PARM1: variants seen among roughly 807,000 people sequenced by gnomAD.
PARM1 encodes prostate androgen-regulated mucin-like protein 1, also known as WSC4, cell wall integrity and stress response component 4 homolog.
Under a neutral mutation model 24.6 loss-of-function variants are expected in PARM1, and 14 were observed. The observed-to-expected ratio is 0.57, with a 90% confidence interval of 0.38 to 0.89. The LOEUF is 0.89. PARM1 is among the 40% of genes least tolerant of loss of function. The pLI is 0.00. For synonymous variants in PARM1, 179 were observed against 156.6 expected (o/e 1.14, Z -1.07); for missense variants, 362 against 380.4 (o/e 0.95, Z 0.40).
At chr4:74,968,350 A>G (rs954399027) in intron 1 of PARM1, among the ~76,000 whole-genome samples, 4 of 152,224 alleles carry the variant, frequency 2.6e-5, no homozygotes, top group Admixed American at 6.5e-5. Context: ...TTAGGTCTAG[A>G]TAATTAAATC....
At chr4:74,946,621 T>G (rs1192974095) in intron 1 of PARM1, among the ~76,000 whole-genome samples, 1 of 152,198 alleles carries the variant, frequency 6.6e-6, no homozygotes, top group African/African-American at 2.4e-5. Flanking sequence ...AATATCTTGT[T>G]AGACCAGGTA....
In PARM1 at chr4:75,049,529, C is replaced by T. The variant is rs771148382; in HGVS notation, c.*3282C>T. ...TGCAGCTGAATCACTGCAGGGTTGA[C>T]CATGCCTGGTGCCACAGCCATGGTT... On this transcript the variant is annotated 3_prime_UTR_variant, in exon 4 of 4. Transcript: ENST00000307428. 2.0e-5 allele frequency: 3 copies of T among 152,360 alleles called. No individual in the cohort carries two copies. Among genetic ancestry groups the T allele is most frequent in the Non-Finnish European group, 4.4e-5 (3 of 68,046 alleles). 9.4% of individuals were successfully genotyped at this position (152,360 alleles called of 1,614,324 possible).
chr4:74,964,458 A>G (rs17000040), intron 1 of PARM1, among the ~76,000 whole-genome samples: 6,209 of 152,206 alleles, frequency 0.041, 408 homozygotes, highest in African/African-American at 0.14. Flanking sequence ...TGCTTACTCA[A>G]GTCTTCAGAT....
chr4:74,939,713 A>G (rs1251185285), intron 1 of PARM1, among the ~76,000 whole-genome samples: 1 of 152,198 alleles, frequency 6.6e-6, no homozygotes, highest in African/African-American at 2.4e-5. Flanking sequence ...GAATTTTAAG[A>G]CAGATGTTTA....
At chr4:74,997,041 G>A (rs1296379615) in intron 1 of PARM1, among the ~76,000 whole-genome samples, 1 of 152,184 alleles carries the variant, frequency 6.6e-6, no homozygotes, top group Non-Finnish European at 1.5e-5. Context: ...TTTTCTGGAT[G>A]AAGACTAGTG....
Position 74,933,133 on chromosome 4 carries a change from C to T in PARM1, c.-195C>T. ...GATGGAGCAGAAGAGCGCGGAGCAC[C>T]GGAGGGCACGCAGCTGACGGAGCTG... On this transcript the variant is annotated 5_prime_UTR_variant, in exon 1 of 4. Transcript: ENST00000307428. 1.8e-6 allele frequency: 1 copy of T among 543,886 alleles called. No homozygotes were observed. Among genetic ancestry groups the T allele is most frequent in the Non-Finnish European group, 3.2e-6 (1 of 309,808 alleles). 33.7% of individuals were successfully genotyped at this position (543,886 alleles called of 1,614,324 possible).
intron 1 of PARM1, among the ~76,000 whole-genome samples, chr4:74,972,081 C>T (rs1381060849): frequency 6.6e-6 from 1 of 152,172 alleles, no homozygotes; most frequent in African/African-American, 2.4e-5. Context: ...ACATGCACGC[C>T]CTGTCTCTGA....
At chr4:74,997,397 GA>G (rs1324958302) in intron 1 of PARM1, among the ~76,000 whole-genome samples, 1 of 152,194 alleles carries the variant, frequency 6.6e-6, no homozygotes, top group African/African-American at 2.4e-5. Flanking sequence ...CACTGAAAAT[GA>G]AGTGCTTTCC....
Position 75,046,286 on chromosome 4 carries a change from T to A in PARM1, c.*39T>A. The A allele has an allele frequency of 7.8e-7, 1 of 1,275,706 alleles. No individual in the cohort carries two copies. The highest frequency in any genetic ancestry group is 1.1e-6 in the Non-Finnish European group (1 of 873,664). The allele number at this position is 1,275,706 out of a possible 1,614,324, so 79.0% of individuals were successfully genotyped here. ...CCTGGGATGAGGATTAACTGTTCTT[T>A]ATTTATAAGTGCTTATCCAGTAGAA... is the stretch of plus-strand genomic sequence containing the variant. On this transcript the variant is annotated 3_prime_UTR_variant, in exon 4 of 4. Coordinates refer to ENST00000307428, the MANE Select transcript of PARM1 (RefSeq NM_015393.4).
intron 1 of PARM1, among the ~76,000 whole-genome samples, chr4:74,977,402 A>G (rs1722159591): frequency 6.6e-6 from 1 of 152,042 alleles, no homozygotes. Flanking sequence ...GGCAGACAAG[A>G]TTAGAGAAAA....
intron 1 of PARM1, among the ~76,000 whole-genome samples, chr4:74,946,464 T>G (rs897229829): frequency 2.0e-5 from 3 of 152,336 alleles, no homozygotes; most frequent in African/African-American, 7.2e-5. Flanking sequence ...CATGCCAAAT[T>G]GCCTGCTCTC....
At chr4:75,025,393 A>C (rs765412102) in intron 2 of PARM1, among the ~76,000 whole-genome samples, 8 of 152,246 alleles carry the variant, frequency 5.3e-5, no homozygotes, top group Admixed American at 1.3e-4. Context: ...AATGAAGAAT[A>C]TCTCTCATTA....
chr4:75,022,077 C>T (rs980991359), intron 2 of PARM1, among the ~76,000 whole-genome samples: 3 of 152,334 alleles, frequency 2.0e-5, no homozygotes, highest in Admixed American at 2.0e-4. Flanking sequence ...TTTCCACCAG[C>T]AGTGTATAAG....
intron 1 of PARM1, among the ~76,000 whole-genome samples, chr4:74,954,767 G>T (rs1721599981): frequency 6.6e-6 from 1 of 152,076 alleles, no homozygotes; most frequent in South Asian, 2.1e-4. Flanking sequence ...CTTCACCAAG[G>T]CTCCTAAATG....
At chr4:75,032,501 A>G (rs1181466397) in intron 2 of PARM1, among the ~76,000 whole-genome samples, 1 of 152,240 alleles carries the variant, frequency 6.6e-6, no homozygotes, top group Non-Finnish European at 1.5e-5. Context: ...AAAATAATCT[A>G]CAGTGATAAA....
intron 1 of PARM1, among the ~76,000 whole-genome samples, chr4:74,936,269 G>A (rs1017371726): frequency 5.3e-5 from 8 of 152,014 alleles, no homozygotes; most frequent in Non-Finnish European, 1.0e-4. Context: ...AGGCATATTG[G>A]AGTACTGATT....
chr4:74,971,694 C>T (rs1722040908), intron 1 of PARM1, among the ~76,000 whole-genome samples: 1 of 152,194 alleles, frequency 6.6e-6, no homozygotes, highest in Admixed American at 6.5e-5. Context: ...TCTCCTTCCT[C>T]TCTGAGATTC....
intron 1 of PARM1, among the ~76,000 whole-genome samples, chr4:74,983,466 G>A (rs1560783209): frequency 2.0e-5 from 3 of 152,168 alleles, no homozygotes; most frequent in Admixed American, 1.3e-4. Flanking sequence ...CTGGTACAGT[G>A]GATAGCACTA....
At chr4:74,967,931 C>T (rs1307260186) in intron 1 of PARM1, among the ~76,000 whole-genome samples, 1 of 152,210 alleles carries the variant, frequency 6.6e-6, no homozygotes, top group Non-Finnish European at 1.5e-5. Context: ...AAGTGGCAAA[C>T]ACAGAATTCT....
Sources: allele counts gnomAD v4.1 joint callset (sites outside exome capture counted in the v4.1 genomes callset), GRCh38; gene constraint gnomAD v4.1.1; transcripts MANE v1.5; gene names NCBI Gene and HGNC (gene_info 2026-07-23, HGNC 2026-07-21).